Variants in GSR observed in about 807,000 individuals in gnomAD.
The protein encoded by GSR is glutathione reductase, mitochondrial.
GSR carries 48 observed loss-of-function variants against 56.5 expected under a neutral mutation model. That is an observed-to-expected ratio of 0.85 (90% CI 0.67 to 1.08). GSR has a LOEUF of 1.08. Ranked by LOEUF, GSR falls within the 50% of genes least tolerant of loss-of-function variation. GSR has a pLI of 0.00. For missense variants in GSR, 694 were observed against 703.3 expected (o/e 0.99, Z 0.15); for synonymous variants, 264 against 270.8 (o/e 0.97, Z 0.25).
Position 30,689,897 on chromosome 8 carries a change from AT to A in GSR, c.883-579del, listed in dbSNP as rs533623799. ...TATATGTATATTATATATAAATTATATTTTTATTAAATATATGTATTTAATG... is the reference window on the plus strand; with the variant it reads ...TATATGTATATTATATATAAATTATATTTTATTAAATATATGTATTTAATG... On this transcript the variant is annotated intron_variant, in intron 8 of 12. Coordinates refer to ENST00000221130, the MANE Select transcript of GSR (RefSeq NM_000637.5). 6.1e-3 allele frequency among the ~76,000 whole-genome samples: 872 copies of A among 142,294 alleles called. 14 individuals are homozygous for A. Among genetic ancestry groups the A allele is most frequent in the African/African-American group, 0.02 (801 of 39,148 alleles). 93.4% of individuals were successfully genotyped at this position (142,294 alleles called of 152,430 possible).
At chr8:30,713,061 G>A (rs915453636) in intron 1 of GSR, among the ~76,000 whole-genome samples, 3 of 151,364 alleles carry the variant, frequency 2.0e-5, no homozygotes, top group Non-Finnish European at 4.4e-5. Flanking sequence ...TTTTGAGACG[G>A]AGTCTCGCTT....
intron 1 of GSR, among the ~76,000 whole-genome samples, chr8:30,714,142 CCAAG>C (rs1173590335): frequency 6.6e-6 from 1 of 151,266 alleles, no homozygotes; most frequent in Non-Finnish European, 1.5e-5. Flanking sequence ...TGGCTATACT[CCAAG>C]CAGTCAACAG....
chr8:30,697,454 A>AAAC (rs1586047275), intron 6 of GSR, among the ~76,000 whole-genome samples: 1 of 142,002 alleles, frequency 7.0e-6, no homozygotes, highest in Non-Finnish European at 1.6e-5. Flanking sequence ...AACAAACAAA[A>AAAC]AACCCCTAAA....
intron 1 of GSR, among the ~76,000 whole-genome samples, chr8:30,713,785 C>T (rs1443200614): frequency 6.6e-6 from 1 of 152,168 alleles, no homozygotes; most frequent in East Asian, 1.9e-4. Context: ...TCCTGATTGG[C>T]CCAGCAATTC....
chr8:30,717,434 A>G (rs1467578447), intron 1 of GSR, among the ~76,000 whole-genome samples: 4 of 151,296 alleles, frequency 2.6e-5, no homozygotes, highest in Non-Finnish European at 5.9e-5. Flanking sequence ...CCAGGTGCCT[A>G]TTAGGAACCA....
intron 6 of GSR, among the ~76,000 whole-genome samples, chr8:30,698,906 A>G (rs1803636058): frequency 6.6e-6 from 1 of 152,162 alleles, no homozygotes; most frequent in Non-Finnish European, 1.5e-5. Context: ...AAGTGACAGG[A>G]GCATCCCTCT....
intron 8 of GSR, among the ~76,000 whole-genome samples, chr8:30,691,668 GAA>G (rs1212180613): frequency 6.7e-6 from 1 of 148,372 alleles, no homozygotes; most frequent in African/African-American, 2.5e-5. Flanking sequence ...GCAACAGAGA[GAA>G]ATTCTATCTC....
chr8:30,722,468 G>A (rs1364792378), intron 1 of GSR, among the ~76,000 whole-genome samples: 1 of 152,128 alleles, frequency 6.6e-6, no homozygotes, highest in African/African-American at 2.4e-5. Context: ...GCTCATGCCT[G>A]TAATCCCAGC....
intron 3 of GSR, among the ~76,000 whole-genome samples, 153 bp from the exon 4 acceptor site, chr8:30,708,294 CCT>C (rs1477633023): frequency 6.6e-6 from 1 of 152,188 alleles, no homozygotes; most frequent in East Asian, 1.9e-4. Context: ...TCATCCCTTC[CCT>C]GTGTCATTCT....
chr8:30,691,927 T>C (rs1452391661), intron 8 of GSR, among the ~76,000 whole-genome samples: 2 of 151,678 alleles, frequency 1.3e-5, no homozygotes, highest in African/African-American at 4.8e-5. Flanking sequence ...GGCTCAACCC[T>C]ATCTTTACAA....
At chr8:30,687,543 G>A (rs1803202854) in intron 9 of GSR, 1 of 152,134 alleles carries the variant, frequency 6.6e-6, no homozygotes. Context: ...AGCTACTCGG[G>A]AGGCTGAGGT....
intron 12 of GSR, among the ~76,000 whole-genome samples, chr8:30,680,381 GTTTT>G (rs34342136): frequency 6.0e-5 from 2 of 33,378 alleles, no homozygotes; most frequent in Non-Finnish European, 1.3e-4. Flanking sequence ...GGCCTCTCCT[GTTTT>G]TTTTTTTTTT....
Position 30,707,935 on chromosome 8 carries a change from C to T in GSR, c.492+137G>A, listed in dbSNP as rs8190956. 8.3e-3 allele frequency: 4,411 copies of T among 534,074 alleles called. 37 individuals carry two copies. The highest frequency in any genetic ancestry group is 9.7e-3 in the Non-Finnish European group (3,005 of 309,032). The allele number at this position is 534,074 out of a possible 1,614,324, so 33.1% of individuals were successfully genotyped here. On this transcript the variant is annotated intron_variant, in intron 4 of 12. Coordinates refer to ENST00000221130, the MANE Select transcript of GSR (RefSeq NM_000637.5). ...TTGCGCCCCTGCACTCCAGCCTGGG[C>T]GACAGAGCGAGACCCTGTCTCCAAA...
At chr8:30,722,189 T>A (rs937653246) in intron 1 of GSR, among the ~76,000 whole-genome samples, 4 of 152,116 alleles carry the variant, frequency 2.6e-5, no homozygotes, top group African/African-American at 9.7e-5. Context: ...AAGGAAGCAG[T>A]CAACAAGGTA....
rs1276732850 is a variant in GSR, at chr8:30,689,325, G to A, written c.883-6C>T. Reference sequence around the variant, plus strand: ...GTCTTTTTAACCTCCTTGACCTATTGGCAAATAAAATGTGTTACACATGTG... The same window carrying A: ...GTCTTTTTAACCTCCTTGACCTATTAGCAAATAAAATGTGTTACACATGTG... On this transcript the variant is annotated splice_polypyrimidine_tract_variant and splice_region_variant and intron_variant, in intron 8 of 12. Transcript: ENST00000221130. 2 of 1,613,062 alleles carry A rather than the reference G, an allele frequency of 1.2e-6. No homozygotes were observed. The highest frequency in any genetic ancestry group is 1.7e-6 in the Non-Finnish European group (2 of 1,179,168).
intron 4 of GSR, 115 bp downstream of exon 4, chr8:30,707,957 C>CA (rs1255039861): frequency 6.2e-6 from 4 of 645,942 alleles, no homozygotes; most frequent in Non-Finnish European, 7.7e-6. Flanking sequence ...ACCCTGTCTC[C>CA]AAAAAAATAA....
chr8:30,689,296 C>CA lies in GSR; in HGVS notation c.905dup (p.Leu302PhefsTer15), dbSNP rs1352428602. On this transcript the variant is annotated frameshift_variant, in exon 9 of 13. Coordinates refer to ENST00000221130, the MANE Select transcript of GSR (RefSeq NM_000637.5). LOFTEE classifies it high-confidence loss of function. Reference sequence around the variant, plus strand: ...TAACCATGCTGACTTCCAAGCCCGACAAAGTCTTTTTAACCTCCTTGACCT... The same window carrying CA: ...TAACCATGCTGACTTCCAAGCCCGACAAAAGTCTTTTTAACCTCCTTGACCT... 6.2e-7 allele frequency: 1 copy of CA among 1,614,106 alleles called. No individual in the cohort carries two copies. The highest frequency in any genetic ancestry group is 1.7e-5 in the Admixed American group (1 of 60,016).
At chr8:30,699,558 C>G (rs1361062640) in intron 6 of GSR, among the ~76,000 whole-genome samples, 1 of 152,062 alleles carries the variant, frequency 6.6e-6, no homozygotes, top group Non-Finnish European at 1.5e-5. Flanking sequence ...ATTCTCCTGC[C>G]TCAGCTTCCC....
chr8:30,693,673 C>T (rs777924174), intron 7 of GSR, among the ~76,000 whole-genome samples: 2 of 152,110 alleles, frequency 1.3e-5, no homozygotes, highest in Admixed American at 6.6e-5. Flanking sequence ...GGATTACAGG[C>T]GCCCACCACC....
Sources: gnomAD v4.1 joint callset for allele counts (sites outside exome capture counted in the v4.1 genomes callset) on GRCh38, gnomAD v4.1.1 for gene constraint, MANE v1.5 for transcripts, NCBI Gene and HGNC (gene_info 2026-07-23, HGNC 2026-07-21) for gene names.